Variants in PPP3CC observed in about 807,000 individuals in gnomAD.
PPP3CC encodes protein phosphatase 3 catalytic subunit gamma, also known as serine/threonine-protein phosphatase 2B catalytic subunit gamma isoform.
In PPP3CC, 35 loss-of-function variants were observed where a neutral mutation model predicts 60.3. The observed-to-expected ratio is 0.58, with a 90% confidence interval of 0.44 to 0.77. PPP3CC has a LOEUF of 0.77. PPP3CC is among the 30% of genes least tolerant of loss of function. The pLI is 0.00. For missense variants in PPP3CC, 570 were observed against 628.9 expected (o/e 0.91, Z 1.00); for synonymous variants, 206 against 224.3 (o/e 0.92, Z 0.73).
chr8:22,496,614 C>T (rs1482065158), intron 3 of PPP3CC, among the ~76,000 whole-genome samples: 1 of 148,574 alleles, frequency 6.7e-6, no homozygotes, highest in Non-Finnish European at 1.5e-5. Context: ...TCTTTTGCCT[C>T]AGCCTCCCAG....
intron 3 of PPP3CC, among the ~76,000 whole-genome samples, chr8:22,489,885 G>C (rs1396761571): frequency 6.7e-6 from 1 of 150,320 alleles, no homozygotes; most frequent in Non-Finnish European, 1.5e-5. Flanking sequence ...GCAGTGGCAC[G>C]ATCTCAGCTC....
At chr8:22,483,387 C>T (rs1043433336) in intron 3 of PPP3CC, among the ~76,000 whole-genome samples, 4 of 152,064 alleles carry the variant, frequency 2.6e-5, no homozygotes, top group African/African-American at 7.2e-5. Flanking sequence ...CCAGGGTTCA[C>T]GCCATTCTCC....
At chr8:22,472,959 C>T (rs1353309974) in intron 1 of PPP3CC, among the ~76,000 whole-genome samples, 4 of 151,856 alleles carry the variant, frequency 2.6e-5, no homozygotes, top group Non-Finnish European at 5.9e-5. Flanking sequence ...AACTACAGTC[C>T]ATTGTTGACC....
At chr8:22,525,122 G>A (rs1358833687) in intron 8 of PPP3CC, among the ~76,000 whole-genome samples, 1 of 151,086 alleles carries the variant, frequency 6.6e-6, no homozygotes, top group African/African-American at 2.4e-5. Flanking sequence ...CTGCATTCCA[G>A]CCAGGCAATA....
chr8:22,536,291 C>T (rs907705542), intron 12 of PPP3CC, among the ~76,000 whole-genome samples: 12 of 152,030 alleles, frequency 7.9e-5, no homozygotes, highest in African/African-American at 2.4e-4. Flanking sequence ...TGAGATATTC[C>T]GAGAGCAACT....
chr8:22,442,077 T>C (rs1167675682), intron 1 of PPP3CC, among the ~76,000 whole-genome samples: 1 of 152,246 alleles, frequency 6.6e-6, no homozygotes, highest in African/African-American at 2.4e-5. Flanking sequence ...TTCATATGTG[T>C]ACCTGCGTTA....
intron 1 of PPP3CC, among the ~76,000 whole-genome samples, chr8:22,450,156 A>G (rs1836967806): frequency 6.6e-6 from 1 of 152,144 alleles, no homozygotes; most frequent in African/African-American, 2.4e-5. Flanking sequence ...GGCGTGAGCC[A>G]CCGCGCCCGG....
intron 3 of PPP3CC, among the ~76,000 whole-genome samples, chr8:22,481,786 T>G (rs905217162): frequency 2.0e-5 from 3 of 151,870 alleles, no homozygotes; most frequent in Non-Finnish European, 2.9e-5. Context: ...ACATGTGGTG[T>G]TTGGTTTTCT....
At chr8:22,533,379 G>A (rs563862268) in intron 12 of PPP3CC, among the ~76,000 whole-genome samples, 6 of 152,252 alleles carry the variant, frequency 3.9e-5, no homozygotes, top group South Asian at 2.1e-4. Flanking sequence ...GAGGAAAAAG[G>A]CAAGACACAA....
At chr8:22,491,144 C>G (rs974888569) in intron 3 of PPP3CC, among the ~76,000 whole-genome samples, 1 of 152,130 alleles carries the variant, frequency 6.6e-6, no homozygotes, top group South Asian at 2.1e-4. Flanking sequence ...CTATGATGAA[C>G]ACCCTCATAT....
intron 10 of PPP3CC, chr8:22,531,167 T>C: frequency 1.3e-6 from 1 of 781,536 alleles, no homozygotes; most frequent in East Asian, 2.7e-5. Context: ...TCTTATGAGC[T>C]GGTAAAGATA....
chr8:22,525,205 G>A (rs531096089), intron 8 of PPP3CC, among the ~76,000 whole-genome samples: 2 of 151,902 alleles, frequency 1.3e-5, no homozygotes, highest in South Asian at 2.1e-4. Context: ...GTATTCTGTC[G>A]GCTTTGACAT....
chr8:22,518,902 G>C (rs1000232826), intron 6 of PPP3CC, among the ~76,000 whole-genome samples: 4 of 152,082 alleles, frequency 2.6e-5, no homozygotes, highest in African/African-American at 7.2e-5. Context: ...GGCCAGGCTG[G>C]TTTCGAACTC....
rs1839945109 is a variant in PPP3CC, at chr8:22,540,899, A to G, written c.*97A>G. 3 of 1,147,464 alleles carry G rather than the reference A, an allele frequency of 2.6e-6. No individual in the cohort carries two copies. Among genetic ancestry groups the G allele is most frequent in the African/African-American group, 3.2e-5 (2 of 63,384 alleles). 71.1% of individuals were successfully genotyped at this position (1,147,464 alleles called of 1,614,324 possible). A position where few individuals can be genotyped will look rare whatever the true frequency, so the allele number is the denominator to read the frequency against. ...TGAAAAGCAACTCAAAACAACTTCA[A>G]CGTGGAGGTGCATTTATAATTCAGT... On this transcript the variant is annotated 3_prime_UTR_variant, in exon 14 of 14. Coordinates refer to ENST00000240139, the MANE Select transcript of PPP3CC (RefSeq NM_005605.5).
At chr8:22,484,550 C>G (rs1165752684) in intron 3 of PPP3CC, among the ~76,000 whole-genome samples, 3 of 152,170 alleles carry the variant, frequency 2.0e-5, no homozygotes, top group African/African-American at 7.2e-5. Context: ...GGGTTGTGAA[C>G]TAAATTTTGA....
Position 22,482,319 on chromosome 8 carries a change from G to A in PPP3CC, c.372+6695G>A, listed in dbSNP as rs562599757. On this transcript the variant is annotated intron_variant, in intron 3 of 13. Coordinates refer to ENST00000240139, the MANE Select transcript of PPP3CC (RefSeq NM_005605.5). ...GCTTTTTTTCATATATTTGTTGGCC[G>A]CATAAATGTCTTCTTTTGAGAAGTG... 5.1e-4 allele frequency among the ~76,000 whole-genome samples: 78 copies of A among 152,142 alleles called. 1 individual carries two copies. In the Middle Eastern group the frequency reaches 0.014, roughly 27 times the overall value.
chr8:22,454,834 C>T (rs1382933833), intron 1 of PPP3CC, among the ~76,000 whole-genome samples: 2 of 151,524 alleles, frequency 1.3e-5, no homozygotes, highest in Non-Finnish European at 1.5e-5. Flanking sequence ...TTTGGGAGGC[C>T]GAGGCGGGTG....
At chr8:22,516,859 C>T (rs1053798291) in intron 6 of PPP3CC, among the ~76,000 whole-genome samples, 6 of 151,920 alleles carry the variant, frequency 3.9e-5, no homozygotes, top group Non-Finnish European at 7.4e-5. Flanking sequence ...AGAAAATATG[C>T]GAGTGTTAGA....
intron 1 of PPP3CC, among the ~76,000 whole-genome samples, chr8:22,458,907 A>C (rs1227482446): frequency 6.6e-6 from 1 of 152,162 alleles, no homozygotes; most frequent in African/African-American, 2.4e-5. Context: ...GTGGTCAATG[A>C]ATTTCTTCAA....
Sources: gnomAD v4.1 joint callset for allele counts (sites outside exome capture counted in the v4.1 genomes callset) on GRCh38, gnomAD v4.1.1 for gene constraint, MANE v1.5 for transcripts, NCBI Gene and HGNC (gene_info 2026-07-23, HGNC 2026-07-21) for gene names.